Variants in NXPH1 observed in about 807,000 individuals in gnomAD.
NXPH1 encodes neurexophilin 1.
Under a neutral mutation model 23.7 loss-of-function variants are expected in NXPH1, and 5 were observed. That is an observed-to-expected ratio of 0.21 (90% CI 0.11 to 0.44). NXPH1 has a LOEUF of 0.44. NXPH1 is among the 20% of genes least tolerant of loss of function. The probability of loss-of-function intolerance (pLI) is 0.99; values close to 1 mark genes in which losing one functional copy is unlikely to be tolerated. For synonymous variants in NXPH1, 144 were observed against 122.2 expected (o/e 1.18, Z -1.18); for missense variants, 324 against 321.6 (o/e 1.01, Z -0.06).
At chr7:8,702,053 C>G (rs1010398989) in intron 2 of NXPH1, among the ~76,000 whole-genome samples, 3 of 150,880 alleles carry the variant, frequency 2.0e-5, no homozygotes, top group African/African-American at 4.9e-5. Flanking sequence ...AAAAAAAAAG[C>G]CCTCCGTATT....
chr7:8,704,868 G>A (rs1295840959), intron 2 of NXPH1, among the ~76,000 whole-genome samples: 2 of 152,018 alleles, frequency 1.3e-5, no homozygotes, highest in Admixed American at 1.3e-4. Context: ...AGAACTGGAG[G>A]CAAAATCCTC....
At chr7:8,528,612 C>T (rs1817902036) in intron 2 of NXPH1, among the ~76,000 whole-genome samples, 1 of 152,166 alleles carries the variant, frequency 6.6e-6, no homozygotes. Flanking sequence ...GGTCTCTTCT[C>T]CCTCATTCTT....
chr7:8,533,015 C>T (rs1354877474), intron 2 of NXPH1, among the ~76,000 whole-genome samples: 3 of 152,078 alleles, frequency 2.0e-5, no homozygotes, highest in Non-Finnish European at 4.4e-5. Flanking sequence ...GTTCTGAGTG[C>T]TTTACATGTA....
intron 2 of NXPH1, among the ~76,000 whole-genome samples, chr7:8,693,842 T>C (rs182596073): frequency 2.0e-4 from 30 of 152,312 alleles, no homozygotes; most frequent in South Asian, 8.3e-4. Flanking sequence ...ATAATTTTTT[T>C]CCTCTCAGTT....
At chr7:8,464,928 G>A (rs1170516797) in intron 2 of NXPH1, among the ~76,000 whole-genome samples, 3 of 152,174 alleles carry the variant, frequency 2.0e-5, no homozygotes, top group African/African-American at 7.2e-5. Context: ...TTAGACTGTG[G>A]ACTTTTGATG....
At position 8,442,669 on chromosome 7, in the gene NXPH1, CG is replaced by C. The variant is rs1382702144; in HGVS notation, c.54+6906del. Among the ~76,000 whole-genome samples, 2 of 152,228 alleles carry C rather than the reference CG, an allele frequency of 1.3e-5. No homozygotes were observed. Among genetic ancestry groups the C allele is most frequent in the Non-Finnish European group, 2.9e-5 (2 of 68,030 alleles). On this transcript the variant is annotated intron_variant, in intron 2 of 2. Transcript: ENST00000405863. The surrounding 1 kb of genome is among the most constrained non-coding windows in gnomAD (Gnocchi z 4.6). ...GACCAAAGCCGCAGTGTTCAGGCCC[CG>C]GGGTTTCCCAGCCGTAGTGGCCGCC...
At chr7:8,520,730 G>T (rs982012628) in intron 2 of NXPH1, among the ~76,000 whole-genome samples, 2 of 152,132 alleles carry the variant, frequency 1.3e-5, no homozygotes, top group East Asian at 1.9e-4. Context: ...CAGTGTTTCA[G>T]TTCTGAGCCT....
chr7:8,575,236 A>G (rs968678035), intron 2 of NXPH1, among the ~76,000 whole-genome samples: 4 of 152,176 alleles, frequency 2.6e-5, no homozygotes, highest in Admixed American at 1.3e-4. Context: ...AGTTCTCTTT[A>G]TGACACAAAA....
At position 8,593,383 on chromosome 7, in the gene NXPH1, T is replaced by C. The variant is rs531750066; in HGVS notation, c.54+157616T>C. On this transcript the variant is annotated intron_variant, in intron 2 of 2. Coordinates refer to ENST00000405863, the MANE Select transcript of NXPH1 (RefSeq NM_152745.3). ...CCCTGAAAACTGATTAGAAAGATGA[T>C]TAAAATCCTGGATGCCATTTTCACA... is the stretch of plus-strand genomic sequence containing the variant. 5.3e-5 allele frequency among the ~76,000 whole-genome samples: 8 copies of C among 152,096 alleles called. No individual in the cohort carries two copies. In the East Asian group the frequency reaches 1.6e-3, roughly 30 times the overall value.
In NXPH1 at chr7:8,516,500, T is replaced by G. The variant is rs1383956007; in HGVS notation, c.54+80733T>G. 3.9e-5 allele frequency among the ~76,000 whole-genome samples: 6 copies of G among 152,166 alleles called. No individual in the cohort carries two copies. The East Asian group carries it at 1.2e-3, about 29-fold the overall frequency. On this transcript the variant is annotated intron_variant, in intron 2 of 2. Transcript: ENST00000405863. The stretch of plus-strand genomic sequence containing the variant: ...GAATTAAATTGTTTTGTATGAAATG[T>G]CATTTGAAAGTCTTCAGATATCACC...
intron 2 of NXPH1, among the ~76,000 whole-genome samples, chr7:8,485,751 T>C (rs1362551580): frequency 2.0e-5 from 3 of 152,180 alleles, no homozygotes; most frequent in Non-Finnish European, 4.4e-5. Context: ...CTAATAAGTT[T>C]CAAGGGAGAC....
intron 2 of NXPH1, among the ~76,000 whole-genome samples, chr7:8,558,798 A>G (rs556014154): frequency 6.6e-6 from 1 of 151,580 alleles, no homozygotes; most frequent in East Asian, 2.0e-4. Flanking sequence ...TAAACTGCCC[A>G]CCTTTCTTGC....
In NXPH1 at chr7:8,494,882, C is replaced by T. The variant is rs1309698666; in HGVS notation, c.54+59115C>T. Reference sequence around the variant, plus strand: ...AGAACATGATCCTAAGAGTCAGAGACCTGAGTTCTAATCCCAGAGGTACAT... The same window carrying T: ...AGAACATGATCCTAAGAGTCAGAGATCTGAGTTCTAATCCCAGAGGTACAT... On this transcript the variant is annotated intron_variant, in intron 2 of 2. Transcript: ENST00000405863. Among the ~76,000 whole-genome samples the T allele has an allele frequency of 7.9e-5, 12 of 152,122 alleles. No individual in the cohort carries two copies. In the East Asian group the frequency reaches 2.3e-3, roughly 30 times the overall value.
intron 2 of NXPH1, among the ~76,000 whole-genome samples, chr7:8,640,915 C>T (rs1820298089): frequency 6.6e-6 from 1 of 152,108 alleles, no homozygotes; most frequent in South Asian, 2.1e-4. Flanking sequence ...CATCACACCA[C>T]TGCACTCCAG....
intron 2 of NXPH1, among the ~76,000 whole-genome samples, chr7:8,590,563 TA>T (rs1406831067): frequency 1.3e-5 from 2 of 152,110 alleles, no homozygotes; most frequent in African/African-American, 4.8e-5. Context: ...ATCCTGAAAC[TA>T]AAGCCATCTC....
chr7:8,684,385 G>C (rs1207451496), intron 2 of NXPH1, among the ~76,000 whole-genome samples: 1 of 152,126 alleles, frequency 6.6e-6, no homozygotes, highest in African/African-American at 2.4e-5. Flanking sequence ...TGAAAGGTTA[G>C]GTTCACTGTT....
At chr7:8,610,419 G>C (rs906379841) in intron 2 of NXPH1, among the ~76,000 whole-genome samples, 2 of 152,100 alleles carry the variant, frequency 1.3e-5, no homozygotes, top group South Asian at 2.1e-4. Context: ...TCTATCACAG[G>C]ACGTGTTAGA....
chr7:8,647,825 G>A (rs1249607101), intron 2 of NXPH1, among the ~76,000 whole-genome samples: 1 of 149,274 alleles, frequency 6.7e-6, no homozygotes, highest in Non-Finnish European at 1.5e-5. Context: ...AAGTAATTTG[G>A]CCATTTTATC....
At chr7:8,527,441 T>C (rs1817880810) in intron 2 of NXPH1, among the ~76,000 whole-genome samples, 1 of 152,202 alleles carries the variant, frequency 6.6e-6, no homozygotes, top group Non-Finnish European at 1.5e-5. Context: ...CAACATTTTG[T>C]CTTTTTGGAT....
Sources: allele counts gnomAD v4.1 joint callset (sites outside exome capture counted in the v4.1 genomes callset), GRCh38; gene constraint gnomAD v4.1.1; non-coding constraint Gnocchi (gnomAD v3.1); transcripts MANE v1.5; gene names NCBI Gene and HGNC (gene_info 2026-07-23, HGNC 2026-07-21).